Variants in LRRIQ1 observed in about 807,000 individuals in gnomAD.
LRRIQ1 encodes the protein leucine rich repeats and IQ motif containing 1, also known as leucine-rich repeat- and IQ domain-containing protein 1.
In LRRIQ1, 210 loss-of-function variants were observed where a neutral mutation model predicts 211.9. That is an observed-to-expected ratio of 0.99 (90% CI 0.89 to 1.11). LRRIQ1 has a LOEUF of 1.11. Among genes scored for constraint, LRRIQ1 ranks in the 50% most tolerant of loss-of-function variants. The pLI is 0.00. For missense variants in LRRIQ1, 2,136 were observed against 1,939.5 expected (o/e 1.10, Z -1.90); for synonymous variants, 699 against 650.1 (o/e 1.08, Z -1.14).
intron 3 of LRRIQ1, among the ~76,000 whole-genome samples, chr12:85,040,888 A>T: frequency 6.6e-6 from 1 of 151,568 alleles, no homozygotes; most frequent in East Asian, 1.9e-4. Flanking sequence ...AATAAAACTA[A>T]TCAAGAGAAT....
chr12:85,123,979 A>G (rs1888170945), intron 16 of LRRIQ1, 91 bp from the exon 17 acceptor site: 14 of 795,166 alleles, frequency 1.8e-5, no homozygotes, highest in Non-Finnish European at 2.4e-5. Flanking sequence ...TATTCATTTG[A>G]GGCCATACAG....
intron 15 of LRRIQ1, among the ~76,000 whole-genome samples, chr12:85,112,906 A>G (rs944506189): frequency 6.6e-6 from 1 of 152,120 alleles, no homozygotes; most frequent in African/African-American, 2.4e-5. Context: ...TATTTAATTT[A>G]TAATAAGCTT....
downstream of LRRIQ1, among the ~76,000 whole-genome samples, chr12:85,248,406 A>G (rs554310114): frequency 7.9e-5 from 12 of 151,778 alleles, no homozygotes; most frequent in South Asian, 2.5e-3. Context: ...TAGAAGAAAA[A>G]TTATTATAAT....
downstream of LRRIQ1, among the ~76,000 whole-genome samples, chr12:85,246,669 G>A (rs865794149): frequency 6.6e-6 from 1 of 151,314 alleles, no homozygotes; most frequent in South Asian, 2.1e-4. Context: ...CTGAAATAAT[G>A]CAATTCTCAC....
intron 6 of LRRIQ1, among the ~76,000 whole-genome samples, chr12:85,049,392 A>T (rs1213279577): frequency 6.6e-6 from 1 of 152,126 alleles, no homozygotes; most frequent in Non-Finnish European, 1.5e-5. Context: ...TTTTAAAATT[A>T]TTATTGGCCT....
downstream of LRRIQ1, among the ~76,000 whole-genome samples, chr12:85,245,315 TA>T (rs1444185462): frequency 1.3e-5 from 2 of 151,242 alleles, no homozygotes; most frequent in Non-Finnish European, 3.0e-5. Flanking sequence ...TTTCCAAAGA[TA>T]ATTTTTTTAA....
In LRRIQ1 at chr12:85,121,358, A is replaced by T. The variant is rs75472433; in HGVS notation, c.3378-339A>T. The stretch of plus-strand genomic sequence containing the variant: ...AGATTATTATAGTTATCTTCTGTTT[A>T]AAAGTTTATCTAATATTATTATTCT... On this transcript the variant is annotated intron_variant, in intron 15 of 26. Transcript: ENST00000393217. 4.8e-3 allele frequency among the ~76,000 whole-genome samples: 736 copies of T among 152,298 alleles called. 7 individuals are homozygous for T. Among genetic ancestry groups the T allele is most frequent in the African/African-American group, 0.017 (710 of 41,570 alleles).
intron 11 of LRRIQ1, among the ~76,000 whole-genome samples, chr12:85,081,432 T>G (rs1031941388): frequency 1.1e-4 from 16 of 147,234 alleles, no homozygotes; most frequent in Non-Finnish European, 1.9e-4. Context: ...TCCTCTGTTG[T>G]CTTCTTTTGG....
intron 19 of LRRIQ1, among the ~76,000 whole-genome samples, chr12:85,143,166 G>A (rs929412025): frequency 1.3e-5 from 2 of 151,584 alleles, no homozygotes; most frequent in African/African-American, 4.8e-5. Context: ...TGTGTGAGGT[G>A]ATATCTCATT....
intron 4 of LRRIQ1, 39 bp downstream of exon 4, chr12:85,044,848 C>A: frequency 1.1e-6 from 1 of 941,198 alleles, no homozygotes; most frequent in Non-Finnish European, 1.6e-6. Context: ...TTCACTATTA[C>A]AATTAGAAAT....
intron 19 of LRRIQ1, among the ~76,000 whole-genome samples, chr12:85,139,714 A>T (rs746994633): frequency 6.6e-6 from 1 of 151,426 alleles, no homozygotes; most frequent in African/African-American, 2.4e-5. Context: ...ACAGAACACT[A>T]TTGCTCACGT....
At chr12:85,080,930 A>G (rs769505861) in intron 11 of LRRIQ1, among the ~76,000 whole-genome samples, 2 of 152,190 alleles carry the variant, frequency 1.3e-5, no homozygotes, top group Non-Finnish European at 2.9e-5. Context: ...TGTGGAACCA[A>G]TTAGAGGCTA....
intron 24 of LRRIQ1, among the ~76,000 whole-genome samples, chr12:85,213,231 G>A (rs1388341754): frequency 6.6e-6 from 1 of 151,608 alleles, no homozygotes; most frequent in African/African-American, 2.4e-5. Context: ...TACACATTGG[G>A]GGGAAAAATT....
intron 11 of LRRIQ1, among the ~76,000 whole-genome samples, chr12:85,084,837 G>A (rs1884648839): frequency 6.6e-6 from 1 of 151,510 alleles, no homozygotes; most frequent in South Asian, 2.1e-4. Flanking sequence ...GAGGTGGAAG[G>A]ATCACTTGAA....
chr12:85,223,378 G>T (rs1216503698), intron 24 of LRRIQ1, among the ~76,000 whole-genome samples: 5 of 151,650 alleles, frequency 3.3e-5, no homozygotes, highest in East Asian at 1.9e-4. Flanking sequence ...AAGACCTGCA[G>T]AAAAAAAAGA....
intron 22 of LRRIQ1, 37 bp downstream of exon 22, chr12:85,153,795 TGA>T: frequency 7.7e-7 from 1 of 1,294,928 alleles, no homozygotes; most frequent in Non-Finnish European, 1.1e-6. Flanking sequence ...ATTAAAAAAT[TGA>T]GAGATTGCTA....
intron 19 of LRRIQ1, among the ~76,000 whole-genome samples, chr12:85,147,295 A>G (rs1425774496): frequency 2.0e-5 from 3 of 151,856 alleles, no homozygotes; most frequent in East Asian, 1.9e-4. Context: ...ATCCTTCACT[A>G]TAAGACAAAT....
At chr12:85,049,158 T>C (rs1186641377) in intron 6 of LRRIQ1, among the ~76,000 whole-genome samples, 1 of 152,206 alleles carries the variant, frequency 6.6e-6, no homozygotes, top group African/African-American at 2.4e-5. Context: ...TTTTGTATGA[T>C]TGACTCTAAA....
At position 85,038,860 on chromosome 12, in the gene LRRIQ1, A is replaced by C. The variant is rs78202766; in HGVS notation, c.132+552A>C. Among the ~76,000 whole-genome samples, 376 of 151,548 alleles carry C rather than the reference A, an allele frequency of 2.5e-3. 3 individuals are homozygous for C. The highest frequency in any genetic ancestry group is 8.6e-3 in the African/African-American group (356 of 41,546). ...TATGTCTTACTGATAGTTATTGTACATATGATCTATCCAAGGCTGTCTGTT... is the reference window on the plus strand; with the variant it reads ...TATGTCTTACTGATAGTTATTGTACCTATGATCTATCCAAGGCTGTCTGTT... On this transcript the variant is annotated intron_variant, in intron 2 of 26. Coordinates refer to ENST00000393217, the MANE Select transcript of LRRIQ1 (RefSeq NM_001079910.2).
Sources: gnomAD v4.1 joint callset for allele counts (sites outside exome capture counted in the v4.1 genomes callset) on GRCh38, gnomAD v4.1.1 for gene constraint, MANE v1.5 for transcripts, NCBI Gene and HGNC (gene_info 2026-07-23, HGNC 2026-07-21) for gene names.